Variants in THAP6 observed in about 807,000 individuals in gnomAD.
THAP6 encodes THAP domain containing 6.
In THAP6, 13 loss-of-function variants were observed where a neutral mutation model predicts 20.0. The ratio of observed to expected loss-of-function variants is 0.65; its 90% CI spans 0.42 to 1.03. THAP6 has a LOEUF of 1.03. THAP6 is among the 50% of genes least tolerant of loss of function. THAP6 has a pLI of 0.00. For missense variants in THAP6, 262 were observed against 261.6 expected, an observed-to-expected ratio of 1.00 and a Z score of -0.01; for synonymous variants, 93 against 92.2, an observed-to-expected ratio of 1.01 and a Z score of -0.05.
intron 4 of THAP6, among the ~76,000 whole-genome samples, chr4:75,525,108 G>C (rs1387684832): frequency 6.6e-6 from 1 of 151,846 alleles, no homozygotes; most frequent in Admixed American, 6.6e-5. Context: ...GATATGCCTT[G>C]GTTTCATTTT....
In THAP6 at chr4:75,527,125, T is replaced by C. The variant is rs761238889; in HGVS notation, c.580T>C (p.Cys194Arg). ...RKTIRELKDECLISQETANRL... is the reference protein window; with the variant it reads ...RKTIRELKDERLISQETANRL... ...GACAATCAGGGAATTAAAGGATGAA[T>C]GTCTGATCAGCCAAGAAACAGCAAA... The change falls in exon 5 of 5, where the codon TGT (cysteine) becomes CGT (arginine). Residue 194 changes from cysteine to arginine, a missense_variant. Cys to Arg is a radical substitution (Grantham distance 180, BLOSUM62 -3). Transcript: ENST00000311638. The C allele has an allele frequency of 1.2e-6, 2 of 1,614,130 alleles. No homozygotes were observed. Among genetic ancestry groups the C allele is most frequent in the Non-Finnish European group, 1.7e-6 (2 of 1,180,010 alleles).
At chr4:75,517,121 C>G in intron 3 of THAP6, 142 bp downstream of exon 3, 1 of 607,380 alleles carries the variant, frequency 1.6e-6, no homozygotes, top group Non-Finnish European at 2.8e-6. Context: ...AGGGTTTAAG[C>G]AATTCTCTGC....
At chr4:75,521,901 AGATGAATAT>A in intron 4 of THAP6, 40 bp downstream of exon 4, 1 of 1,612,106 alleles carries the variant, frequency 6.2e-7, no homozygotes, top group Non-Finnish European at 8.5e-7. Flanking sequence ...AATTCTTTTA[AGATGAATAT>A]GTCCTCTCCA....
rs985847569 is a variant in THAP6 at position 75,526,958 on chromosome 4, A to C, written c.415-2A>C. The C allele has an allele frequency of 1.6e-5, 25 of 1,610,270 alleles. No homozygotes were observed. The highest frequency in any genetic ancestry group is 2.1e-5 in the Non-Finnish European group (25 of 1,177,682). On this transcript the variant is annotated splice_acceptor_variant, in intron 4 of 4. Transcript: ENST00000311638. LOFTEE classifies it high-confidence loss of function. ...TTAATAACTTGGTGTTTATGTTTTT[A>C]GGAACATAGCTACAGTGTAATGGAC... is the stretch of plus-strand genomic sequence containing the variant.
chr4:75,540,169 C>T (rs1335571616), intron 2 of THAP6, among the ~76,000 whole-genome samples: 1 of 152,192 alleles, frequency 6.6e-6, no homozygotes, highest in Non-Finnish European at 1.5e-5. Flanking sequence ...GACAGTGTTA[C>T]TTAGAATGTT....
rs560863921 is a variant in THAP6, at chr4:75,528,334, G to A, written c.*1120G>A. The A allele has an allele frequency of 4.1e-6, 4 of 985,120 alleles. No homozygotes were observed. Among genetic ancestry groups the A allele is most frequent in the African/African-American group, 3.5e-5 (2 of 57,156 alleles). The allele number at this position is 985,120 out of a possible 1,614,324, so 61.0% of individuals were successfully genotyped here. A position where few individuals can be genotyped will look rare whatever the true frequency, so the allele number is the denominator to read the frequency against. On this transcript the variant is annotated 3_prime_UTR_variant, in exon 5 of 5. Coordinates refer to ENST00000311638, the MANE Select transcript of THAP6 (RefSeq NM_144721.6). ...TTAGCTTTTGTCATAATTCCTTACC[G>A]AAAACAACTGAAATTGAGAGTCATA...
At chr4:75,515,398 G>T (rs1486742046) in intron 1 of THAP6, 35 bp from the exon 2 acceptor site, 1 of 1,572,256 alleles carries the variant, frequency 6.4e-7, no homozygotes, top group African/African-American at 1.3e-5. Context: ...TCAGCTTTCC[G>T]GTTACTAACT....
chr4:75,522,002 A>T, intron 4 of THAP6, 141 bp downstream of exon 4: 1 of 1,002,470 alleles, frequency 1.0e-6, no homozygotes, highest in Admixed American at 2.7e-5. Flanking sequence ...TCCTAGAGTC[A>T]TTGTAATTTA....
chr4:75,529,408 T>A lies in THAP6; in HGVS notation c.*2194T>A. ...GTGTTCATAGTAGACTCAGCACTTC[T>A]TTTTCACTGGACCTAGTATAACTGA... On this transcript the variant is annotated 3_prime_UTR_variant, in exon 5 of 5. Coordinates refer to ENST00000311638, the MANE Select transcript of THAP6 (RefSeq NM_144721.6). 1 of 985,400 alleles carries A rather than the reference T, an allele frequency of 1.0e-6. No homozygotes were observed. The highest frequency in any genetic ancestry group is 1.2e-6 in the Non-Finnish European group (1 of 829,928). The allele number at this position is 985,400 out of a possible 1,614,324, so 61.0% of individuals were successfully genotyped here.
intron 2 of THAP6, among the ~76,000 whole-genome samples, chr4:75,540,123 T>C (rs781690058): frequency 2.6e-5 from 4 of 152,236 alleles, no homozygotes; most frequent in Admixed American, 2.0e-4. Flanking sequence ...TATGTTTCGT[T>C]CATTCACCCG....
intron 3 of THAP6, 158 bp downstream of exon 3, chr4:75,517,137 C>T: frequency 1.8e-6 from 1 of 562,850 alleles, no homozygotes; most frequent in Non-Finnish European, 3.0e-6. Context: ...TCTGCCTCAG[C>T]CTCCCGAGAA....
chr4:75,538,483 T>G (rs1726926886), intron 2 of THAP6, among the ~76,000 whole-genome samples: 1 of 151,994 alleles, frequency 6.6e-6, no homozygotes, highest in Non-Finnish European at 1.5e-5. Flanking sequence ...GAGGGCCTGA[T>G]TCTCTGGCCA....
rs182970250 is a variant in THAP6, at chr4:75,524,240, A to G, written c.414+2379A>G. Among the ~76,000 whole-genome samples the G allele has an allele frequency of 3.4e-4, 51 of 152,128 alleles. No homozygotes were observed. In the East Asian group the frequency reaches 8.3e-3, roughly 25 times the overall value. ...GTATACTTTCGTTTTTCCTTTCTCA[A>G]TCTTTGTGCTATTGCTGTCATGCAT... On this transcript the variant is annotated intron_variant, in intron 4 of 4. Coordinates refer to ENST00000311638, the MANE Select transcript of THAP6 (RefSeq NM_144721.6).
intron 3 of THAP6, among the ~76,000 whole-genome samples, chr4:75,545,466 GA>G (rs1412821234): frequency 6.6e-6 from 1 of 152,186 alleles, no homozygotes; most frequent in African/African-American, 2.4e-5. Flanking sequence ...AATCCCAGCA[GA>G]AGATGCCTAA....
upstream of THAP6, chr4:75,514,287 C>T (rs146666606): frequency 3.2e-4 from 522 of 1,611,024 alleles, 2 homozygotes; most frequent in African/African-American, 6.2e-3. Context: ...TCGCCGCCAT[C>T]TCCTCCACCT....
downstream of THAP6, among the ~76,000 whole-genome samples, chr4:75,534,500 G>T (rs1280937103): frequency 5.3e-5 from 8 of 152,174 alleles, no homozygotes; most frequent in Non-Finnish European, 1.2e-4. Context: ...ACGTAGGCAT[G>T]GGCAAGGACT....
Position 75,524,516 on chromosome 4 carries a change from T to C in THAP6, c.415-2444T>C, listed in dbSNP as rs969749546. On this transcript the variant is annotated intron_variant, in intron 4 of 4. Transcript: ENST00000311638. The stretch of plus-strand genomic sequence containing the variant: ...GTGATGAATTCTTTCAGTATTTCTG[T>C]TGCTTAAAAAGTTTAATCTTCACTT... 2.0e-5 allele frequency among the ~76,000 whole-genome samples: 3 copies of C among 152,208 alleles called. No homozygotes were observed. The East Asian group carries it at 5.8e-4, about 29-fold the overall frequency.
intron 1 of THAP6, 26 bp downstream of exon 1, chr4:75,514,546 T>A (rs1725373353): frequency 2.6e-6 from 1 of 380,982 alleles, no homozygotes; most frequent in South Asian, 7.7e-5. Flanking sequence ...TTGCCTGTTT[T>A]CCCCCAATCG....
rs140233330 is a variant in THAP6 at position 75,515,467 on chromosome 4, C to T, written c.15C>T (p.Cys5=). The T allele has an allele frequency of 6.2e-7, 1 of 1,613,924 alleles. No individual in the cohort carries two copies. The highest frequency in any genetic ancestry group is 1.1e-5 in the South Asian group (1 of 91,080). Residue 5 remains cysteine, a synonymous_variant, in exon 2 of 5, where the codon TGC becomes TGT. Coordinates refer to ENST00000311638, the MANE Select transcript of THAP6 (RefSeq NM_144721.6). MVKC[C]SAIGCASRCL... Reference sequence around the variant, plus strand: ...GAGTTGCTAAAATGGTGAAATGCTGCTCCGCCATTGGATGTGCTTCTCGCT... The same window carrying T: ...GAGTTGCTAAAATGGTGAAATGCTGTTCCGCCATTGGATGTGCTTCTCGCT...
Sources: allele counts gnomAD v4.1 joint callset (sites outside exome capture counted in the v4.1 genomes callset), GRCh38; gene constraint gnomAD v4.1.1; transcripts MANE v1.5; gene names NCBI Gene and HGNC (gene_info 2026-07-23, HGNC 2026-07-21).